SGCD: variants seen among roughly 807,000 people sequenced by gnomAD.
SGCD encodes the protein delta-sarcoglycan.
A neutral mutation model predicts 36.6 loss-of-function variants in SGCD; 18 were observed. That is an observed-to-expected ratio of 0.49 (90% CI 0.34 to 0.73). The LOEUF (loss-of-function observed/expected upper bound fraction) is 0.73. Ranked by LOEUF, SGCD falls within the 30% of genes least tolerant of loss-of-function variation. The pLI, the probability that SGCD is intolerant of heterozygous loss-of-function variation, is 0.01. For synonymous variants in SGCD, 133 were observed against 130.6 expected, an observed-to-expected ratio of 1.02 and a Z score of -0.12; for missense variants, 387 against 346.7, an observed-to-expected ratio of 1.12 and a Z score of -0.92.
chr5:156,381,355 TC>T (rs369850143), intron 3 of SGCD, among the ~76,000 whole-genome samples: 134 of 152,314 alleles, frequency 8.8e-4, no homozygotes, highest in African/African-American at 3.1e-3. Context: ...CCTCTGCGAA[TC>T]CTAATCAAGT....
chr5:156,282,785 T>C (rs1317785948), intron 3 of SGCD, among the ~76,000 whole-genome samples: 3 of 152,202 alleles, frequency 2.0e-5, no homozygotes, highest in Admixed American at 6.6e-5. Context: ...TTGCCATTAC[T>C]TTCCATTTAA....
intron 7 of SGCD, among the ~76,000 whole-genome samples, chr5:156,683,078 G>C (rs1175641227): frequency 6.6e-6 from 1 of 152,178 alleles, no homozygotes; most frequent in Non-Finnish European, 1.5e-5. Context: ...TGACAGAATG[G>C]AGTGGGGTGA....
chr5:156,415,763 C>T (rs933046446), intron 3 of SGCD, among the ~76,000 whole-genome samples: 2 of 152,146 alleles, frequency 1.3e-5, no homozygotes, highest in African/African-American at 4.8e-5. Flanking sequence ...TTTCTCCCAC[C>T]TGTTAACATT....
At chr5:156,029,580 T>C (rs1759298396) in intron 1 of SGCD, among the ~76,000 whole-genome samples, 1 of 152,222 alleles carries the variant, frequency 6.6e-6, no homozygotes, top group Admixed American at 6.5e-5. Flanking sequence ...ATGGGCATAT[T>C]CGGCTGCCAA....
intron 3 of SGCD, among the ~76,000 whole-genome samples, chr5:156,184,766 G>A (rs1288827805): frequency 6.6e-6 from 1 of 152,154 alleles, no homozygotes; most frequent in Non-Finnish European, 1.5e-5. Flanking sequence ...CAGAAGACAA[G>A]GACCATGCCA....
Position 156,403,822 on chromosome 5 carries a change from T to C in SGCD, c.192+59145T>C, listed in dbSNP as rs868012591. On this transcript the variant is annotated intron_variant, in intron 3 of 8. Coordinates refer to ENST00000337851, the MANE Select transcript of SGCD (RefSeq NM_000337.6). ...GAACTTGGGAGAGAAGGGCATGATA[T>C]TCCCTGACATATTTTTTTTTCTTTT... Among the ~76,000 whole-genome samples, 5 of 145,126 alleles carry C rather than the reference T, an allele frequency of 3.4e-5. No homozygotes were observed. The Middle Eastern group carries it at 0.014, about 400-fold the overall frequency.
At chr5:155,951,411 C>G (rs981339117) in intron 1 of SGCD, among the ~76,000 whole-genome samples, 1 of 151,700 alleles carries the variant, frequency 6.6e-6, no homozygotes, top group African/African-American at 2.4e-5. Flanking sequence ...TGATGTTGGC[C>G]CAAAGAATTC....
intron 1 of SGCD, among the ~76,000 whole-genome samples, chr5:155,879,085 A>G (rs956493246): frequency 3.9e-5 from 6 of 152,110 alleles, no homozygotes; most frequent in African/African-American, 1.4e-4. Context: ...CACTTAAAAA[A>G]AAAAAGTATT....
intron 4 of SGCD, among the ~76,000 whole-genome samples, chr5:156,558,537 A>G (rs1226987469): frequency 6.6e-6 from 1 of 152,136 alleles, no homozygotes; most frequent in Non-Finnish European, 1.5e-5. Context: ...GTTCTGTGTC[A>G]GACACTGACT....
chr5:156,037,072 A>G (rs1164025307), intron 1 of SGCD, among the ~76,000 whole-genome samples: 2 of 152,224 alleles, frequency 1.3e-5, no homozygotes, highest in Non-Finnish European at 2.9e-5. Flanking sequence ...CTTGGCACAC[A>G]TAAAGAGTGC....
At chr5:156,208,277 C>T (rs1764343794) in intron 3 of SGCD, among the ~76,000 whole-genome samples, 1 of 152,182 alleles carries the variant, frequency 6.6e-6, no homozygotes, top group Non-Finnish European at 1.5e-5. Context: ...GTAAGCAGTA[C>T]AAATCAGATG....
rs977352684 is a variant in SGCD, at chr5:155,985,875, TC to T, written c.-282+115455del. On this transcript the variant is annotated intron_variant, in intron 1 of 9. Coordinates refer to the SGCD transcript ENST00000517913. ...TCCCTCACTTGCTTGTAAATGCTTTTCCCCTTTCACAGAAATGCCTCCTCTC... is the reference window on the plus strand; with the variant it reads ...TCCCTCACTTGCTTGTAAATGCTTTTCCCTTTCACAGAAATGCCTCCTCTC... 1.6e-4 allele frequency among the ~76,000 whole-genome samples: 24 copies of T among 152,288 alleles called. No individual in the cohort carries two copies. The South Asian group carries it at 4.1e-3, about 26-fold the overall frequency.
rs57707032 is a variant in SGCD at position 156,406,894 on chromosome 5, A to G, written c.192+62217A>G. On this transcript the variant is annotated intron_variant, in intron 3 of 8. Transcript: ENST00000337851. ...TTAAGTATTAACTTACATAATCACA[A>G]GGTCCCACAATAGGCTGTCTGCAAG... is the stretch of plus-strand genomic sequence containing the variant. Among the ~76,000 whole-genome samples the G allele has an allele frequency of 9.4e-3, 1,411 of 149,570 alleles. 32 individuals are homozygous for G. Among genetic ancestry groups the G allele is most frequent in the African/African-American group, 0.033 (1,339 of 40,402 alleles).
intron 3 of SGCD, among the ~76,000 whole-genome samples, chr5:156,351,928 C>G (rs1042677804): frequency 2.6e-5 from 4 of 152,112 alleles, no homozygotes; most frequent in African/African-American, 9.7e-5. Context: ...CCCTAACTGG[C>G]CATGAACTAC....
intron 7 of SGCD, among the ~76,000 whole-genome samples, chr5:156,667,202 A>T (rs1231168493): frequency 2.0e-5 from 3 of 152,208 alleles, no homozygotes; most frequent in Non-Finnish European, 4.4e-5. Flanking sequence ...CAGATAAAGG[A>T]TCCTCATTCT....
intron 3 of SGCD, among the ~76,000 whole-genome samples, chr5:156,390,528 C>G (rs1397442810): frequency 6.6e-6 from 1 of 152,118 alleles, no homozygotes; most frequent in Non-Finnish European, 1.5e-5. Context: ...GTCAGGAGTT[C>G]GAGACCAGCC....
At position 156,131,317 on chromosome 5, in the gene SGCD, T is replaced by C. The variant is rs1031979174; in HGVS notation, c.-44+7298T>C. 4.6e-5 allele frequency among the ~76,000 whole-genome samples: 7 copies of C among 152,340 alleles called. No homozygotes were observed. In the East Asian group the frequency reaches 1.2e-3, roughly 25 times the overall value. On this transcript the variant is annotated intron_variant, in intron 3 of 9. Transcript: ENST00000517913. ...TTTTACTTTCTGGGTGTATGACCAA[T>C]GACAAGTCACTGAACTGCTCCAGAC...
At chr5:156,580,433 G>T (rs1296153634) in intron 4 of SGCD, among the ~76,000 whole-genome samples, 1 of 152,156 alleles carries the variant, frequency 6.6e-6, no homozygotes, top group East Asian at 1.9e-4. Context: ...GGTGTTCTCT[G>T]TATTTACTGA....
the SGCD span, among the ~76,000 whole-genome samples, chr5:155,767,669 A>T: frequency 1.3e-5 from 2 of 152,170 alleles, no homozygotes; most frequent in Admixed American, 6.5e-5. Flanking sequence ...GATATTACAC[A>T]TACCTGAAGG....
Sources: gnomAD v4.1 joint callset for allele counts (sites outside exome capture counted in the v4.1 genomes callset) on GRCh38, gnomAD v4.1.1 for gene constraint, MANE v1.5 for transcripts, NCBI Gene and HGNC (gene_info 2026-07-23, HGNC 2026-07-21) for gene names.